The following UBE3C variants were observed in gnomAD, a reference collection of about 807,000 sequenced individuals.
The protein encoded by UBE3C is ubiquitin protein ligase E3C.
In UBE3C, 42 loss-of-function variants were observed where a neutral mutation model predicts 129.4. That is an observed-to-expected ratio of 0.32 (90% CI 0.25 to 0.42). UBE3C has a LOEUF of 0.42. Among genes scored for constraint, UBE3C ranks in the 10% least tolerant of loss-of-function variants. The pLI is 1.00. For synonymous variants in UBE3C, 510 were observed against 492.4 expected, an observed-to-expected ratio of 1.04 and a Z score of -0.47; for missense variants, 1,049 against 1,319.1, an observed-to-expected ratio of 0.80 and a Z score of 3.17.
At chr7:157,159,203 A>C (rs923849010) in intron 1 of UBE3C, among the ~76,000 whole-genome samples, 3 of 152,178 alleles carry the variant, frequency 2.0e-5, no homozygotes, top group Admixed American at 2.0e-4. Flanking sequence ...TCACCATGGC[A>C]TACACACCAT....
At chr7:157,166,911 G>A (rs1808230948) in intron 2 of UBE3C, among the ~76,000 whole-genome samples, 1 of 131,020 alleles carries the variant, frequency 7.6e-6, no homozygotes, top group Non-Finnish European at 1.5e-5. Context: ...GCTTTTTCCT[G>A]TTGGTGGTGG....
chr7:157,187,274 A>G (rs1477307863), intron 10 of UBE3C, among the ~76,000 whole-genome samples: 1 of 152,238 alleles, frequency 6.6e-6, no homozygotes, highest in African/African-American at 2.4e-5. Context: ...TACCTTATGA[A>G]TGTGAGTTTA....
chr7:157,166,254 C>T (rs1327501469), intron 2 of UBE3C, among the ~76,000 whole-genome samples: 2 of 152,082 alleles, frequency 1.3e-5, no homozygotes, highest in African/African-American at 4.8e-5. Flanking sequence ...CTTTCTTTTG[C>T]CTGATTAGTC....
chr7:157,225,987 T>G (rs1272183673), intron 17 of UBE3C, among the ~76,000 whole-genome samples: 1 of 152,132 alleles, frequency 6.6e-6, no homozygotes, highest in African/African-American at 2.4e-5. Context: ...GGGAGACATG[T>G]TATCAAGTAA....
In UBE3C at chr7:157,186,985, T is replaced by C. The variant is rs1407167246; in HGVS notation, c.1295T>C (p.Leu432Pro). ...FTTMASVCHT[L>P]MVQHRMMVPK... is the part of the protein sequence containing the mutation. ...ACCATGGCCTCCGTCTGCCACACGC[T>C]GATGGTGCAGCACCGCATGATGGTA... is the stretch of plus-strand genomic sequence containing the variant. The change falls in exon 10 of 23, where the codon CTG becomes CCG. Residue 432 changes from leucine to proline, a missense_variant. Around this residue, in one of 4 missense-constraint regions of UBE3C, gnomAD observed 314 missense variants for 416.9 expected, o/e 0.75. Transcript: ENST00000348165. The C allele has an allele frequency of 6.2e-7, 1 of 1,611,044 alleles. No individual in the cohort carries two copies. The highest frequency in any genetic ancestry group is 1.7e-5 in the Admixed American group (1 of 59,402).
intron 18 of UBE3C, among the ~76,000 whole-genome samples, chr7:157,237,855 A>G (rs1298234155): frequency 1.3e-5 from 2 of 151,508 alleles, no homozygotes; most frequent in Admixed American, 6.6e-5. Context: ...AGACCATCCT[A>G]GGCATACATA....
At chr7:157,170,165 C>A in intron 3 of UBE3C, 139 bp from the exon 4 acceptor site, 185 of 377,480 alleles carry the variant, frequency 4.9e-4, no homozygotes, top group Non-Finnish European at 5.9e-4. Context: ...TACAATTCAA[C>A]TGTGAGCAAG....
chr7:157,216,119 A>T (rs2051877), intron 13 of UBE3C, among the ~76,000 whole-genome samples: 72,266 of 152,116 alleles, frequency 0.48, 19,770 homozygotes, highest in African/African-American at 0.76. Context: ...TCTGGAGTTA[A>T]GATCACAGAT....
intron 13 of UBE3C, among the ~76,000 whole-genome samples, chr7:157,208,640 T>G (rs1809506659): frequency 6.6e-6 from 1 of 152,244 alleles, no homozygotes. Flanking sequence ...AAAAATTGAT[T>G]AACAACGTAA....
intron 10 of UBE3C, chr7:157,192,812 A>G (rs1563050040): frequency 1.5e-6 from 2 of 1,297,534 alleles, no homozygotes; most frequent in Non-Finnish European, 2.2e-6. Context: ...CTACTGCTTC[A>G]ACAAACCAGA....
chr7:157,228,935 A>C (rs1159273216), intron 17 of UBE3C, among the ~76,000 whole-genome samples: 1 of 152,216 alleles, frequency 6.6e-6, no homozygotes, highest in East Asian at 1.9e-4. Flanking sequence ...AGGAGATTGC[A>C]TGGAGGCTCT....
Position 157,176,935 on chromosome 7 carries a change from A to G in UBE3C, c.459-1755A>G, listed in dbSNP as rs142758076. On this transcript the variant is annotated intron_variant, in intron 5 of 22. Transcript: ENST00000348165. ...TAGTAAGTCGACAGTCTTATCTGCC[A>G]CGTGCCAGAACATTGAATTTTTCTT... Among the ~76,000 whole-genome samples, 9 of 152,354 alleles carry G rather than the reference A, an allele frequency of 5.9e-5. No homozygotes were observed. The East Asian group carries it at 1.7e-3, about 29-fold the overall frequency.
intron 19 of UBE3C, among the ~76,000 whole-genome samples, chr7:157,250,312 G>A (rs1018876176): frequency 6.6e-6 from 1 of 152,080 alleles, no homozygotes; most frequent in Non-Finnish European, 1.5e-5. Context: ...TCAGCCTCCT[G>A]AGTAGCTGGG....
At position 157,243,126 on chromosome 7, in the gene UBE3C, C is replaced by A. The variant is rs982855903; in HGVS notation, c.2482-5242C>A. Among the ~76,000 whole-genome samples the A allele has an allele frequency of 2.0e-5, 3 of 152,296 alleles. No homozygotes were observed. The South Asian group carries it at 6.2e-4, about 32-fold the overall frequency. ...ATTGTGGCTCGATCGCTGGAAGCCA[C>A]TATGAGGAAAATAGGACAGGAGATG... On this transcript the variant is annotated intron_variant, in intron 18 of 22. Coordinates refer to ENST00000348165, the MANE Select transcript of UBE3C (RefSeq NM_014671.3).
intron 19 of UBE3C, among the ~76,000 whole-genome samples, chr7:157,252,235 G>A (rs895316724): frequency 2.0e-5 from 3 of 152,056 alleles, no homozygotes; most frequent in Admixed American, 1.3e-4. Context: ...CTGGTCCTTT[G>A]TCTTCCAAAT....
intron 10 of UBE3C, chr7:157,198,185 A>T (rs769174749): frequency 6.3e-7 from 1 of 1,599,614 alleles, no homozygotes; most frequent in Non-Finnish European, 8.6e-7. Context: ...CTTGTAGCTG[A>T]TTTTCTCCAT....
intron 19 of UBE3C, among the ~76,000 whole-genome samples, chr7:157,249,585 T>A (rs1176327902): frequency 1.3e-5 from 2 of 152,236 alleles, no homozygotes. Flanking sequence ...AGTGCTGGGA[T>A]TACAGGCGTG....
chr7:157,143,626 C>T (rs1480871952), intron 1 of UBE3C, among the ~76,000 whole-genome samples: 1 of 152,124 alleles, frequency 6.6e-6, no homozygotes, highest in East Asian at 1.9e-4. Flanking sequence ...GTCATGTTTC[C>T]ACCTGATAAC....
chr7:157,232,866 G>A (rs1796057522), intron 18 of UBE3C, among the ~76,000 whole-genome samples: 1 of 152,122 alleles, frequency 6.6e-6, no homozygotes, highest in Non-Finnish European at 1.5e-5. Flanking sequence ...GTGCTTTTAG[G>A]ACTTCTTTTA....
Sources: allele counts gnomAD v4.1 joint callset (sites outside exome capture counted in the v4.1 genomes callset), GRCh38; gene constraint gnomAD v4.1.1; regional missense constraint gnomAD v4.1.1; transcripts MANE v1.5; gene names NCBI Gene and HGNC (gene_info 2026-07-23, HGNC 2026-07-21).